The following DNAJC9 variants were observed in gnomAD, a reference collection of about 807,000 sequenced individuals.
DNAJC9 encodes dnaJ homolog subfamily C member 9.
DNAJC9 carries 18 observed loss-of-function variants against 32.4 expected under a neutral mutation model. The observed-to-expected ratio is 0.56, with a 90% confidence interval of 0.38 to 0.82. DNAJC9 has a LOEUF of 0.82. DNAJC9 is among the 40% of genes least tolerant of loss of function. The probability of loss-of-function intolerance (pLI) is 0.00; values close to 1 mark genes in which losing one functional copy is unlikely to be tolerated. For missense variants in DNAJC9, 310 were observed against 321.8 expected (o/e 0.96, Z 0.28); for synonymous variants, 113 against 122.1 (o/e 0.93, Z 0.49).
At chr10:73,232,783 C>T (rs940250080) in intron 2 of DNAJC9, among the ~76,000 whole-genome samples, 1 of 152,192 alleles carries the variant, frequency 6.6e-6, no homozygotes, top group Non-Finnish European at 1.5e-5. Flanking sequence ...AGCTAGAGTA[C>T]CATCTGGAAA....
intron 3 of DNAJC9, chr10:73,244,178 C>T: frequency 2.1e-6 from 1 of 479,600 alleles, no homozygotes; most frequent in South Asian, 2.6e-5. Flanking sequence ...AGTACTCTGG[C>T]ACTCATAAAT....
Position 73,243,431 on chromosome 10 carries a change from T to C in DNAJC9, c.752A>G (p.Lys251Arg). 1.2e-6 allele frequency: 2 copies of C among 1,614,028 alleles called. No individual in the cohort carries two copies. The highest frequency in any genetic ancestry group is 1.7e-6 in the Non-Finnish European group (2 of 1,179,922). Reference protein sequence around the residue: ...KYCKSSKGGGKKSALKKEKK With the variant: ...KYCKSSKGGGRKSALKKEKK ...CTTTTCTTTCTTGAGAGCAGATTTT[T>C]TCCCTCCTCCTTTGGAAGATTTGCA... Residue 251 changes from lysine to arginine, a missense_variant, in exon 5 of 5, where the codon AAA becomes AGA. By Grantham distance (26) the Lys-to-Arg change is conservative. Coordinates refer to ENST00000372950, the MANE Select transcript of DNAJC9 (RefSeq NM_015190.5).
chr10:73,232,712 T>C (rs1191489033), intron 2 of DNAJC9, among the ~76,000 whole-genome samples: 2 of 152,246 alleles, frequency 1.3e-5, no homozygotes, highest in African/African-American at 4.8e-5. Context: ...ATGTCCATTC[T>C]AGTAAATTAT....
At chr10:73,246,485 G>A (rs1465652793) in intron 2 of DNAJC9, among the ~76,000 whole-genome samples, 2 of 152,094 alleles carry the variant, frequency 1.3e-5, no homozygotes, top group Admixed American at 6.5e-5. Flanking sequence ...AAATAAATCG[G>A]CCCTTTTCAG....
At chr10:73,238,619 A>G (rs140044568), downstream of DNAJC9, among the ~76,000 whole-genome samples, 3 of 152,318 alleles carry the variant, frequency 2.0e-5, no homozygotes, top group East Asian at 5.8e-4. Flanking sequence ...TATAATAACT[A>G]TCTGGCCCTT....
chr10:73,246,911 A>C, intron 1 of DNAJC9, 83 bp from the exon 2 acceptor site: 3 of 1,596,458 alleles, frequency 1.9e-6, no homozygotes, highest in Non-Finnish European at 2.6e-6. Context: ...GAAGGCGCCA[A>C]GCGGAGCTCA....
chr10:73,245,799 T>C (rs1397130793), intron 3 of DNAJC9, 123 bp downstream of exon 3: 2 of 1,252,036 alleles, frequency 1.6e-6, no homozygotes, highest in African/African-American at 1.5e-5. Flanking sequence ...AGATCGAAAC[T>C]ATAGACCAAG....
At chr10:73,239,719 C>A (rs1156774577), downstream of DNAJC9, among the ~76,000 whole-genome samples, 1 of 150,422 alleles carries the variant, frequency 6.6e-6, no homozygotes, top group African/African-American at 2.5e-5. Context: ...TCAAAATATT[C>A]TTTAAGAACA....
rs1474602660 is a variant in DNAJC9 at position 73,247,209 on chromosome 10, C to G, written c.-20G>C. ...CCCCATGCCGGGCGGAGATACGACC[C>G]CGGAGGAAGCAGCCGCTCCCAGCTG... On this transcript the variant is annotated 5_prime_UTR_variant, in exon 1 of 5. Coordinates refer to ENST00000372950, the MANE Select transcript of DNAJC9 (RefSeq NM_015190.5). 2 of 1,579,414 alleles carry G rather than the reference C, an allele frequency of 1.3e-6. No homozygotes were observed. Among genetic ancestry groups the G allele is most frequent in the African/African-American group, 1.4e-5 (1 of 73,806 alleles).
chr10:73,239,240 T>G, downstream of DNAJC9: 1 of 1,320,854 alleles, frequency 7.6e-7, no homozygotes, highest in Non-Finnish European at 1.1e-6. Context: ...AAGGTGTTCC[T>G]GTGAACCTGC....
At chr10:73,241,692 A>C (rs998646419), downstream of DNAJC9, 11 of 152,276 alleles carry the variant, frequency 7.2e-5, no homozygotes, top group African/African-American at 2.7e-4. Flanking sequence ...TTTTCTTCCT[A>C]AAGTAGGTTA....
chr10:73,232,848 GT>G, intron 2 of DNAJC9: 1 of 754,718 alleles, frequency 1.3e-6, no homozygotes, highest in South Asian at 1.6e-5. Context: ...CCTAAATGTA[GT>G]TTCTAGTCTA....
chr10:73,241,349 T>C, downstream of DNAJC9: 3 of 305,390 alleles, frequency 9.8e-6, no homozygotes, highest in South Asian at 9.5e-5. Flanking sequence ...CATATAGGAT[T>C]TGATGAGCTC....
intron 2 of DNAJC9, 104 bp from the exon 3 acceptor site, chr10:73,246,280 T>G: frequency 2.4e-6 from 3 of 1,259,248 alleles, no homozygotes; most frequent in Non-Finnish European, 3.3e-6. Flanking sequence ...ATACAACAGT[T>G]GCTTGAGTTG....
At chr10:73,246,332 GTCC>G (rs766279276) in intron 2 of DNAJC9, among the ~76,000 whole-genome samples, 156 bp from the exon 3 acceptor site, 12 of 150,542 alleles carry the variant, frequency 8.0e-5, no homozygotes, top group Non-Finnish European at 1.3e-4. Context: ...CTTCTCCGGA[GTCC>G]TCCTTTTTAA....
chr10:73,241,056 C>G (rs571629113), downstream of DNAJC9: 1 of 1,180,236 alleles, frequency 8.5e-7, no homozygotes, highest in Non-Finnish European at 1.2e-6. Flanking sequence ...GCAGGAAACA[C>G]GAGATTTCAT....
rs545865698 is a variant in DNAJC9, at chr10:73,245,587, T to C, written c.576+335A>G. Among the ~76,000 whole-genome samples the C allele has an allele frequency of 8.3e-4, 126 of 152,336 alleles. 1 individual carries two copies. In the South Asian group the frequency reaches 0.014, roughly 17 times the overall value. On this transcript the variant is annotated intron_variant, in intron 3 of 4. Coordinates refer to ENST00000372950, the MANE Select transcript of DNAJC9 (RefSeq NM_015190.5). Reference sequence around the variant, plus strand: ...ACCCCCTCAACCGAGTAAGGATCACTGCCCATCCTGTGTACCCGGGTTCCA... The same window carrying C: ...ACCCCCTCAACCGAGTAAGGATCACCGCCCATCCTGTGTACCCGGGTTCCA...
downstream of DNAJC9, chr10:73,235,018 T>C: frequency 6.6e-7 from 1 of 1,505,942 alleles, no homozygotes; most frequent in Non-Finnish European, 9.0e-7. Flanking sequence ...ATCTGTGCCC[T>C]GATCTTGATT....
rs1564722769 is a variant in DNAJC9, at chr10:73,243,499, T to C, written c.684A>G (p.Gln228=). ...AAIQSRQKDR[Q]KEMDNFLAQM... is the part of the protein sequence containing the mutation. ...GAGCCAGAAAATTGTCCATTTCCTTTTGCCGATCCTTTTGTCTGCTCTGTT... is the reference window on the plus strand; with the variant it reads ...GAGCCAGAAAATTGTCCATTTCCTTCTGCCGATCCTTTTGTCTGCTCTGTT... Residue 228 remains glutamine, a synonymous_variant, in exon 5 of 5, where the codon CAA becomes CAG. Transcript: ENST00000372950. 1 of 1,614,200 alleles carries C rather than the reference T, an allele frequency of 6.2e-7. No homozygotes were observed. Among genetic ancestry groups the C allele is most frequent in the African/African-American group, 1.3e-5 (1 of 75,056 alleles).
Sources: gnomAD v4.1 joint callset for allele counts (sites outside exome capture counted in the v4.1 genomes callset) on GRCh38, gnomAD v4.1.1 for gene constraint, MANE v1.5 for transcripts, NCBI Gene and HGNC (gene_info 2026-07-23, HGNC 2026-07-21) for gene names.